The following ANK3 variants were observed in gnomAD, a reference collection of about 807,000 sequenced individuals.
The protein encoded by ANK3 is ankyrin-3.
Under a neutral mutation model 370.9 loss-of-function variants are expected in ANK3, and 57 were observed. The observed-to-expected ratio is 0.15, with a 90% CI of 0.12 to 0.19. The LOEUF (loss-of-function observed/expected upper bound fraction) is 0.19. ANK3 is among the 10% of genes least tolerant of loss of function. ANK3 has a pLI of 1.00. For synonymous variants in ANK3, 1,929 were observed against 1,946.3 expected (o/e 0.99, Z 0.23); for missense variants, 4,439 against 5,302.1 (o/e 0.84, Z 5.06).
At chr10:60,641,662 T>A (rs2133351464) in intron 1 of ANK3, among the ~76,000 whole-genome samples, 1 of 152,192 alleles carries the variant, frequency 6.6e-6, no homozygotes, top group African/African-American at 2.4e-5. Context: ...ATGTTAGACC[T>A]AAAACCATAA....
intron 25 of ANK3, among the ~76,000 whole-genome samples, chr10:60,126,913 C>T (rs373378392): frequency 2.6e-5 from 4 of 152,252 alleles, no homozygotes; most frequent in East Asian, 1.9e-4. Flanking sequence ...CAATAGCAAC[C>T]ACATTAGTAA....
chr10:60,425,549 T>A (rs2063867966), intron 2 of ANK3, among the ~76,000 whole-genome samples: 1 of 152,124 alleles, frequency 6.6e-6, no homozygotes, highest in Non-Finnish European at 1.5e-5. Context: ...GCATCCTTCA[T>A]CACATGCCAT....
chr10:60,699,188 G>A (rs969785096), intron 1 of ANK3, among the ~76,000 whole-genome samples: 12 of 151,696 alleles, frequency 7.9e-5, no homozygotes, highest in African/African-American at 2.7e-4. Flanking sequence ...TGTACTGCTC[G>A]GGTGATGGGT....
At chr10:60,457,328 C>T (rs2064773056) in intron 2 of ANK3, among the ~76,000 whole-genome samples, 1 of 152,028 alleles carries the variant, frequency 6.6e-6, no homozygotes, top group East Asian at 1.9e-4. Context: ...TAAAAGTTGC[C>T]CTCATAATGG....
intron 2 of ANK3, 141 bp downstream of exon 2, chr10:60,279,397 T>C (rs2098131818): frequency 1.4e-6 from 1 of 739,840 alleles, no homozygotes; most frequent in Admixed American, 2.6e-5. Flanking sequence ...TGAATGTTCC[T>C]CTAACAGAGA....
At chr10:60,422,348 G>T (rs1000555130) in intron 2 of ANK3, among the ~76,000 whole-genome samples, 1 of 151,992 alleles carries the variant, frequency 6.6e-6, no homozygotes, top group Admixed American at 6.6e-5. Context: ...AAATTATTCT[G>T]CTTCACATGT....
At chr10:60,505,202 G>A (rs1234988194) in intron 2 of ANK3, among the ~76,000 whole-genome samples, 1 of 151,862 alleles carries the variant, frequency 6.6e-6, no homozygotes, top group African/African-American at 2.4e-5. Context: ...ATAGTAAAAT[G>A]TTTTCTTTAA....
chr10:60,579,326 TAAAAAAAAAA>T (rs763281984), intron 2 of ANK3, among the ~76,000 whole-genome samples: 3 of 69,022 alleles, frequency 4.3e-5, no homozygotes, highest in Non-Finnish European at 8.0e-5. Flanking sequence ...TCTCTCTCAA[TAAAAAAAAAA>T]AAAAAAAAAA....
At chr10:60,268,169 G>A (rs888668138) in intron 5 of ANK3, among the ~76,000 whole-genome samples, 1 of 152,088 alleles carries the variant, frequency 6.6e-6, no homozygotes, top group Non-Finnish European at 1.5e-5. Flanking sequence ...CCTTGCACCC[G>A]GCTAAATGTT....
chr10:60,636,660 G>C (rs190689735), intron 1 of ANK3, among the ~76,000 whole-genome samples: 1 of 152,190 alleles, frequency 6.6e-6, no homozygotes, highest in Non-Finnish European at 1.5e-5. Flanking sequence ...CTGCACTGAA[G>C]TGCAATGTCT....
chr10:60,729,584 A>G (rs1276090308), intron 1 of ANK3, among the ~76,000 whole-genome samples: 3 of 152,182 alleles, frequency 2.0e-5, no homozygotes, highest in Non-Finnish European at 4.4e-5. Context: ...TTCTCTTAAC[A>G]TCATCTGAAA....
At position 60,360,972 on chromosome 10, in the gene ANK3, C is replaced by T. The variant is rs149874380; in HGVS notation, c.114+28453G>A. Among the ~76,000 whole-genome samples the T allele has an allele frequency of 6.6e-5, 10 of 152,066 alleles. No homozygotes were observed. The East Asian group carries it at 1.9e-3, about 29-fold the overall frequency. On this transcript the variant is annotated intron_variant, in intron 1 of 43. Coordinates refer to ENST00000280772, the MANE Select transcript of ANK3 (RefSeq NM_020987.5). ...AAAGATTGGTGAAAATGAAAAATGCCACACCTGCTTAAATTATTATTAAAA... is the reference window on the plus strand; with the variant it reads ...AAAGATTGGTGAAAATGAAAAATGCTACACCTGCTTAAATTATTATTAAAA...
At chr10:60,134,092 G>T (rs2094222363) in intron 25 of ANK3, among the ~76,000 whole-genome samples, 179 bp downstream of exon 25, 1 of 151,604 alleles carries the variant, frequency 6.6e-6, no homozygotes, top group African/African-American at 2.4e-5. Flanking sequence ...ACCTGCAGAA[G>T]ACAGGAATAT....
At chr10:60,211,684 T>C (rs2096856278) in intron 9 of ANK3, among the ~76,000 whole-genome samples, 1 of 152,012 alleles carries the variant, frequency 6.6e-6, no homozygotes, top group South Asian at 2.1e-4. Context: ...TTCACACATG[T>C]GTGCACTGCA....
chr10:60,130,762 TC>T (rs2094018356), intron 25 of ANK3, among the ~76,000 whole-genome samples: 1 of 152,326 alleles, frequency 6.6e-6, no homozygotes, highest in South Asian at 2.1e-4. Context: ...ATTAGCCTTT[TC>T]CTTCTCCTCT....
At chr10:60,395,166 C>T (rs565962048) in intron 2 of ANK3, among the ~76,000 whole-genome samples, 2 of 152,072 alleles carry the variant, frequency 1.3e-5, no homozygotes, top group Admixed American at 6.5e-5. Context: ...ATATAACATA[C>T]AGATCAAATA....
At chr10:60,234,580 A>G (rs1469149350) in intron 8 of ANK3, 108 bp downstream of exon 8, 4 of 645,466 alleles carry the variant, frequency 6.2e-6, no homozygotes, top group Non-Finnish European at 1.1e-5. Flanking sequence ...AGACTATAAC[A>G]AATAGAACAG....
chr10:60,121,378 CA>C (rs201473806), intron 25 of ANK3, among the ~76,000 whole-genome samples: 81,948 of 135,196 alleles, frequency 0.61, 24,677 homozygotes, highest in East Asian at 0.9. Flanking sequence ...TAAAATGCAC[CA>C]AAAAAAAAAA....
intron 36 of ANK3, among the ~76,000 whole-genome samples, chr10:60,078,747 T>G (rs1053772903): frequency 1.3e-5 from 2 of 152,194 alleles, no homozygotes; most frequent in African/African-American, 4.8e-5. Flanking sequence ...AAAGTGGCAT[T>G]CACTTGGAGT....
Sources: gnomAD v4.1 joint callset for allele counts (sites outside exome capture counted in the v4.1 genomes callset) on GRCh38, gnomAD v4.1.1 for gene constraint, MANE v1.5 for transcripts, NCBI Gene and HGNC (gene_info 2026-07-23, HGNC 2026-07-21) for gene names.